RNF19A: variants seen among roughly 807,000 people sequenced by gnomAD.
The protein encoded by RNF19A is ring finger protein 19A, RBR E3 ubiquitin protein ligase, also known as E3 ubiquitin-protein ligase RNF19A.
RNF19A carries 32 observed loss-of-function variants against 75.7 expected under a neutral mutation model. That is an observed-to-expected ratio of 0.42 (90% CI 0.32 to 0.57). The LOEUF (loss-of-function observed/expected upper bound fraction) is 0.57. Among genes scored for constraint, RNF19A ranks in the 20% least tolerant of loss-of-function variants. The probability of loss-of-function intolerance (pLI) is 0.10; values close to 1 mark genes in which losing one functional copy is unlikely to be tolerated. For missense variants in RNF19A, 782 were observed against 1,036.3 expected (o/e 0.75, Z 3.37); for synonymous variants, 335 against 345.2 (o/e 0.97, Z 0.33).
chr8:100,297,877 T>C (rs913573536), intron 1 of RNF19A, among the ~76,000 whole-genome samples: 1 of 152,182 alleles, frequency 6.6e-6, no homozygotes, highest in Non-Finnish European at 1.5e-5. Flanking sequence ...TTAAATGCTA[T>C]ATAAATATGG....
At chr8:100,288,837 G>C (rs1463577994) in intron 1 of RNF19A, among the ~76,000 whole-genome samples, 1 of 151,984 alleles carries the variant, frequency 6.6e-6, no homozygotes, top group Non-Finnish European at 1.5e-5. Flanking sequence ...AGGATGGGCG[G>C]ATCACAAGTT....
chr8:100,311,767 C>T (rs1401927372), upstream of RNF19A, among the ~76,000 whole-genome samples: 3 of 141,664 alleles, frequency 2.1e-5, no homozygotes, highest in Non-Finnish European at 4.6e-5. Flanking sequence ...ACATGTTAAA[C>T]AACATTTCAG....
chr8:100,319,839 CTTTTTTTT>C, intron 1 of RNF19A, among the ~76,000 whole-genome samples: 1 of 134,196 alleles, frequency 7.5e-6, no homozygotes, highest in East Asian at 2.1e-4. Flanking sequence ...CTTTTTTTTT[CTTTTTTTT>C]TTTTCGAGAT....
chr8:100,317,965 C>T lies in RNF19A; in HGVS notation c.-242-4593G>A, dbSNP rs1195257795. ...GCCAACTGTTGTGACATTTTTGCCCCTGGATAGGGCCTAGAACACCCCCTC... is the reference window on the plus strand; with the variant it reads ...GCCAACTGTTGTGACATTTTTGCCCTTGGATAGGGCCTAGAACACCCCCTC... On this transcript the variant is annotated intron_variant, in intron 1 of 3. Transcript: ENST00000519527. The surrounding 1 kb of genome is among the most constrained non-coding windows in gnomAD (Gnocchi z 4.3). Among the ~76,000 whole-genome samples, 2 of 152,076 alleles carry T rather than the reference C, an allele frequency of 1.3e-5. No individual in the cohort carries two copies. The highest frequency in any genetic ancestry group is 1.5e-5 in the Non-Finnish European group (1 of 67,990).
intron 1 of RNF19A, among the ~76,000 whole-genome samples, chr8:100,295,250 C>T (rs1465541133): frequency 6.6e-6 from 1 of 152,158 alleles, no homozygotes; most frequent in East Asian, 1.9e-4. Flanking sequence ...AGTCCCATAA[C>T]TGAAACTAGT....
chr8:100,286,935 T>C lies in RNF19A; in HGVS notation c.674+566A>G, dbSNP rs1337877534. The stretch of plus-strand genomic sequence containing the variant: ...TATTTTATTTTAAATGTTGAGAATA[T>C]GGTATGTGTAATTCAAAAACTTGAG... On this transcript the variant is annotated intron_variant, in intron 2 of 9. Coordinates refer to ENST00000341084, the MANE Select transcript of RNF19A (RefSeq NM_183419.4). 3.3e-5 allele frequency among the ~76,000 whole-genome samples: 5 copies of C among 152,208 alleles called. No individual in the cohort carries two copies. The East Asian group carries it at 7.7e-4, about 23-fold the overall frequency.
intron 3 of RNF19A, among the ~76,000 whole-genome samples, chr8:100,271,406 G>A (rs1400679496): frequency 1.3e-5 from 2 of 152,202 alleles, no homozygotes; most frequent in East Asian, 1.9e-4. Context: ...GATACAACAC[G>A]TGGTATACTA....
intron 2 of RNF19A, among the ~76,000 whole-genome samples, chr8:100,277,287 T>C (rs561728416): frequency 2.4e-4 from 37 of 152,256 alleles, no homozygotes; most frequent in African/African-American, 6.7e-4. Flanking sequence ...GTTCCCTCCA[T>C]TTTTGGACTT....
chr8:100,318,364 C>T (rs528325210), intron 1 of RNF19A, among the ~76,000 whole-genome samples: 6 of 152,156 alleles, frequency 3.9e-5, no homozygotes, highest in Non-Finnish European at 8.8e-5. Flanking sequence ...GGCTTAAATT[C>T]TCTGTTCCCA....
rs1819602524 is a variant in RNF19A at position 100,259,287 on chromosome 8, T to C, written c.1827-41A>G. On this transcript the variant is annotated intron_variant, in intron 9 of 9. Coordinates refer to ENST00000341084, the MANE Select transcript of RNF19A (RefSeq NM_183419.4). The surrounding 1 kb of genome is among the most constrained non-coding windows in gnomAD (Gnocchi z 4.5). ...AACAAATACAAACATAATTGCTGACTTCTTTTTGTTCAGATGACTGGGGGA... is the reference window on the plus strand; with the variant it reads ...AACAAATACAAACATAATTGCTGACCTCTTTTTGTTCAGATGACTGGGGGA... 1 of 1,504,796 alleles carries C rather than the reference T, an allele frequency of 6.6e-7. No homozygotes were observed. The highest frequency in any genetic ancestry group is 1.2e-5 in the South Asian group (1 of 81,882). The allele number at this position is 1,504,796 out of a possible 1,614,324, so 93.2% of individuals were successfully genotyped here. A position where few individuals can be genotyped will look rare whatever the true frequency, so the allele number is the denominator to read the frequency against.
chr8:100,269,768 A>G lies in RNF19A; in HGVS notation c.1028+101T>C, dbSNP rs1367883351. On this transcript the variant is annotated intron_variant, in intron 4 of 9. Transcript: ENST00000341084. The surrounding 1 kb of genome is among the most constrained non-coding windows in gnomAD (Gnocchi z 5.7). ...AATTTATTTAACTAGAATAAAACCAATCCCTTTAAGTATCTTATAAAACCC... is the reference window on the plus strand; with the variant it reads ...AATTTATTTAACTAGAATAAAACCAGTCCCTTTAAGTATCTTATAAAACCC... 1 of 761,824 alleles carries G rather than the reference A, an allele frequency of 1.3e-6. No individual in the cohort carries two copies. The highest frequency in any genetic ancestry group is 1.9e-6 in the Non-Finnish European group (1 of 523,618). The allele number at this position is 761,824 out of a possible 1,614,324, so 47.2% of individuals were successfully genotyped here. A position where few individuals can be genotyped will look rare whatever the true frequency, so the allele number is the denominator to read the frequency against.
At chr8:100,295,121 T>C (rs1821493272) in intron 1 of RNF19A, among the ~76,000 whole-genome samples, 1 of 152,208 alleles carries the variant, frequency 6.6e-6, no homozygotes. Flanking sequence ...GATGATATCT[T>C]CTCCAAAGAG....
chr8:100,266,316 G>A (rs558281769), intron 5 of RNF19A, among the ~76,000 whole-genome samples: 3 of 152,180 alleles, frequency 2.0e-5, no homozygotes, highest in East Asian at 3.9e-4. Context: ...TTGAAAAAAG[G>A]AGATCTGTAA....
In RNF19A at chr8:100,284,657, C is replaced by T. The variant is rs1399177288; in HGVS notation, c.674+2844G>A. Among the ~76,000 whole-genome samples the T allele has an allele frequency of 6.6e-6, 1 of 152,010 alleles. No homozygotes were observed. The highest frequency in any genetic ancestry group is 1.5e-5 in the Non-Finnish European group (1 of 67,930). The stretch of plus-strand genomic sequence containing the variant: ...TGAGTTAACATTTGAATTATCATCT[C>T]TAAAATATTAATACTGAGCCATTTT... On this transcript the variant is annotated intron_variant, in intron 2 of 9. Transcript: ENST00000341084. This position sits in a 1 kb window ranked among gnomAD's most constrained non-coding sequence, Gnocchi z 4.3.
intron 1 of RNF19A, among the ~76,000 whole-genome samples, chr8:100,297,368 T>G (rs899173365): frequency 6.6e-6 from 1 of 152,220 alleles, no homozygotes; most frequent in African/African-American, 2.4e-5. Context: ...AGAAAGGACC[T>G]CTCTGTATCA....
Position 100,259,781 on chromosome 8 carries a change from A to G in RNF19A, c.1826+73T>C. Reference sequence around the variant, plus strand: ...TAGTTGGTAGCCACTTTTCACTGGTAATTTGTCTAATGATAGGAATTATTC... The same window carrying G: ...TAGTTGGTAGCCACTTTTCACTGGTGATTTGTCTAATGATAGGAATTATTC... On this transcript the variant is annotated intron_variant, in intron 9 of 9. Transcript: ENST00000341084. The surrounding 1 kb of genome is among the most constrained non-coding windows in gnomAD (Gnocchi z 4.5). The G allele has an allele frequency of 7.4e-7, 1 of 1,353,294 alleles. No homozygotes were observed. The highest frequency in any genetic ancestry group is 1.0e-6 in the Non-Finnish European group (1 of 984,032). 83.8% of individuals were successfully genotyped at this position (1,353,294 alleles called of 1,614,324 possible).
At chr8:100,309,657 G>C (rs1822218931) in intron 1 of RNF19A, 4 of 925,988 alleles carry the variant, frequency 4.3e-6, no homozygotes, top group Non-Finnish European at 5.2e-6. Flanking sequence ...ACCCGGAGCT[G>C]ACCGAGGCCT....
intron 1 of RNF19A, among the ~76,000 whole-genome samples, chr8:100,316,318 A>AAGAACGAAGCTTCCACAGC (rs1456404348): frequency 6.6e-6 from 1 of 152,108 alleles, no homozygotes; most frequent in Admixed American, 6.5e-5. Context: ...CAAAGAGCGA[A>AAGAACGAAGCTTCCACAGC]AGAACGAAGC....
intron 2 of RNF19A, among the ~76,000 whole-genome samples, chr8:100,282,598 T>C (rs915702487): frequency 1.3e-5 from 2 of 152,206 alleles, no homozygotes; most frequent in South Asian, 2.1e-4. Context: ...AGTTTATTCA[T>C]TATGGCTCTT....
Sources: gnomAD v4.1 joint callset for allele counts (sites outside exome capture counted in the v4.1 genomes callset) on GRCh38, gnomAD v4.1.1 for gene constraint, Gnocchi (gnomAD v3.1) non-coding constraint, MANE v1.5 for transcripts, NCBI Gene and HGNC (gene_info 2026-07-23, HGNC 2026-07-21) for gene names.